Variants in ZNF407 observed in about 807,000 individuals in gnomAD.
The protein encoded by ZNF407 is zinc finger protein 407.
Under a neutral mutation model 131.2 loss-of-function variants are expected in ZNF407, and 17 were observed. The ratio of observed to expected loss-of-function variants is 0.13; its 90% CI spans 0.09 to 0.19. The LOEUF is 0.19. ZNF407 is among the 10% of genes least tolerant of loss of function. The probability of loss-of-function intolerance (pLI) is 1.00; values close to 1 mark genes in which losing one functional copy is unlikely to be tolerated. For synonymous variants in ZNF407, 1,156 were observed against 1,062.0 expected, an observed-to-expected ratio of 1.09 and a Z score of -1.72; for missense variants, 2,681 against 2,830.6, an observed-to-expected ratio of 0.95 and a Z score of 1.20.
At chr18:74,714,976 C>T (rs1967858710) in intron 3 of ZNF407, among the ~76,000 whole-genome samples, 1 of 152,188 alleles carries the variant, frequency 6.6e-6, no homozygotes, top group Non-Finnish European at 1.5e-5. Context: ...GGTTCCCAGG[C>T]AGCCTTGCAC....
At chr18:74,842,718 C>T (rs945311014) in intron 4 of ZNF407, among the ~76,000 whole-genome samples, 1 of 151,758 alleles carries the variant, frequency 6.6e-6, no homozygotes, top group Non-Finnish European at 1.5e-5. Flanking sequence ...TTCGGCTATG[C>T]TATTTATTTA....
At chr18:74,750,483 G>C (rs1968775077) in intron 3 of ZNF407, among the ~76,000 whole-genome samples, 2 of 152,074 alleles carry the variant, frequency 1.3e-5, no homozygotes, top group South Asian at 2.1e-4. Context: ...GTGGCCTTTT[G>C]TGTCCAAATT....
intron 1 of ZNF407, among the ~76,000 whole-genome samples, chr18:74,614,434 C>T (rs1327043871): frequency 6.6e-6 from 1 of 152,196 alleles, no homozygotes; most frequent in Non-Finnish European, 1.5e-5. Context: ...GTGTGACAGC[C>T]GTATTACGTA....
intron 3 of ZNF407, among the ~76,000 whole-genome samples, chr18:74,728,973 G>C (rs905445391): frequency 4.6e-5 from 7 of 152,216 alleles, no homozygotes; most frequent in African/African-American, 1.4e-4. Context: ...TATGTCAGCA[G>C]CTGCTGTGAC....
intron 7 of ZNF407, among the ~76,000 whole-genome samples, chr18:74,915,594 GGTT>G (rs1458126108): frequency 7.6e-6 from 1 of 130,948 alleles, no homozygotes; most frequent in Non-Finnish European, 1.6e-5. Flanking sequence ...GGTATGGTGA[GGTT>G]GTGTGCAGCA....
At chr18:74,765,892 AT>A (rs199682212) in intron 3 of ZNF407, among the ~76,000 whole-genome samples, 17 of 150,874 alleles carry the variant, frequency 1.1e-4, no homozygotes, top group South Asian at 2.1e-4. Context: ...CATTTTTTGG[AT>A]TTTTTTTTAA....
intron 6 of ZNF407, among the ~76,000 whole-genome samples, chr18:74,882,484 T>C (rs1971251828): frequency 6.6e-6 from 1 of 152,218 alleles, no homozygotes; most frequent in African/African-American, 2.4e-5. Context: ...TCTTGATATG[T>C]TGTATTTAAC....
Position 74,710,224 on chromosome 18 carries a change from G to C in ZNF407, c.4802+69102G>C, listed in dbSNP as rs141334754. Among the ~76,000 whole-genome samples, 324 of 152,220 alleles carry C rather than the reference G, an allele frequency of 2.1e-3. 3 individuals carry two copies. The highest frequency in any genetic ancestry group is 7.2e-3 in the African/African-American group (301 of 41,524). ...ATATTTAATTGATTTGACTAATCCT[G>C]CAGGGTTTATACAGATTAATAGAAA... On this transcript the variant is annotated intron_variant, in intron 3 of 8. Coordinates refer to ENST00000299687, the MANE Select transcript of ZNF407 (RefSeq NM_017757.3).
intron 3 of ZNF407, among the ~76,000 whole-genome samples, chr18:74,682,639 T>C (rs1967010844): frequency 6.6e-6 from 1 of 152,220 alleles, no homozygotes. Flanking sequence ...TGATTCCATC[T>C]TGGATGCTAG....
Position 74,633,419 on chromosome 18 carries a change from T to C in ZNF407, c.2400T>C (p.His800=). 1 of 1,613,994 alleles carries C rather than the reference T, an allele frequency of 6.2e-7. No individual in the cohort carries two copies. Among genetic ancestry groups the C allele is most frequent in the South Asian group, 1.1e-5 (1 of 91,088 alleles). ...CCGGAAATGGAAGGATTGAAGGCCA[T>C]ATAGGTGTGCAATTACAAGAGCATT... The part of the protein sequence containing the change: ...DVSGNGRIEG[H]IGVQLQEHSY... The change falls in exon 2 of 9, where the codon CAT becomes CAC. Residue 800 remains histidine, a synonymous_variant. Coordinates refer to ENST00000299687, the MANE Select transcript of ZNF407 (RefSeq NM_017757.3).
chr18:75,046,652 A>G (rs998458846), intron 8 of ZNF407, among the ~76,000 whole-genome samples: 4 of 152,108 alleles, frequency 2.6e-5, no homozygotes, highest in Admixed American at 2.6e-4. Context: ...CGGAATGAAC[A>G]GCATCCTCCT....
chr18:75,016,826 A>G (rs748683086), intron 8 of ZNF407, among the ~76,000 whole-genome samples: 15 of 152,076 alleles, frequency 9.9e-5, no homozygotes, highest in Non-Finnish European at 2.1e-4. Context: ...ATACCTCTAT[A>G]TTTATCAAAG....
rs1006268773 is a variant in ZNF407 at position 74,775,389 on chromosome 18, A to G, written c.4803-6039A>G. Among the ~76,000 whole-genome samples, 4 of 152,344 alleles carry G rather than the reference A, an allele frequency of 2.6e-5. No individual in the cohort carries two copies. In the East Asian group the frequency reaches 5.8e-4, roughly 22 times the overall value. ...GTTCAACTGTGTTACATAGCTAGCC[A>G]TACAATGTTTATTTAAATTATTCGT... On this transcript the variant is annotated intron_variant, in intron 3 of 8. Transcript: ENST00000299687.
chr18:74,778,398 A>T (rs1418572614), intron 3 of ZNF407, among the ~76,000 whole-genome samples: 1 of 152,186 alleles, frequency 6.6e-6, no homozygotes, highest in Non-Finnish European at 1.5e-5. Context: ...CCAAATGTGG[A>T]ATTTCAACCC....
At chr18:74,990,285 A>G (rs548324586) in intron 8 of ZNF407, among the ~76,000 whole-genome samples, 63 of 152,262 alleles carry the variant, frequency 4.1e-4, no homozygotes, top group Middle Eastern at 3.4e-3. Flanking sequence ...TTAGTAACTT[A>G]CCCTAGCTCA....
intron 8 of ZNF407, among the ~76,000 whole-genome samples, chr18:75,031,026 T>G (rs1973233757): frequency 6.6e-6 from 1 of 152,194 alleles, no homozygotes; most frequent in Non-Finnish European, 1.5e-5. Context: ...TTTGCAGACC[T>G]GAAAGGTGGC....
intron 4 of ZNF407, among the ~76,000 whole-genome samples, chr18:74,786,376 C>G (rs1238582811): frequency 6.6e-6 from 1 of 152,136 alleles, no homozygotes; most frequent in East Asian, 1.9e-4. Flanking sequence ...TCAGTCACCT[C>G]TGTGTCCAGG....
intron 3 of ZNF407, among the ~76,000 whole-genome samples, chr18:74,780,721 C>A (rs1401128342): frequency 6.6e-6 from 1 of 152,006 alleles, no homozygotes; most frequent in Non-Finnish European, 1.5e-5. Flanking sequence ...TTTAAATAAT[C>A]GCATGACGTA....
chr18:74,946,013 T>C (rs572009056), intron 8 of ZNF407, among the ~76,000 whole-genome samples: 26 of 152,288 alleles, frequency 1.7e-4, no homozygotes, highest in African/African-American at 6.3e-4. Context: ...TTGCTGCCCA[T>C]AGCACCGTCA....
Sources: allele counts gnomAD v4.1 joint callset (sites outside exome capture counted in the v4.1 genomes callset), GRCh38; gene constraint gnomAD v4.1.1; transcripts MANE v1.5; gene names NCBI Gene and HGNC (gene_info 2026-07-23, HGNC 2026-07-21).